The following CCDC66 variants were observed in gnomAD, a reference collection of about 807,000 sequenced individuals.
CCDC66 encodes the protein coiled-coil domain containing 66.
Under a neutral mutation model 128.3 loss-of-function variants are expected in CCDC66, and 133 were observed. The ratio of observed to expected loss-of-function variants is 1.04; its 90% CI spans 0.90 to 1.20. The LOEUF (loss-of-function observed/expected upper bound fraction) is 1.20. Ranked by LOEUF, CCDC66 falls within the 50% of genes most tolerant of loss-of-function variation. The probability of loss-of-function intolerance (pLI) is 0.00; values close to 1 mark genes in which losing one functional copy is unlikely to be tolerated. For missense variants in CCDC66, 1,126 were observed against 1,075.5 expected, an observed-to-expected ratio of 1.05 and a Z score of -0.66; for synonymous variants, 387 against 357.0, an observed-to-expected ratio of 1.08 and a Z score of -0.95.
chr3:56,588,267 A>T (rs371333771), intron 7 of CCDC66, among the ~76,000 whole-genome samples: 1 of 152,202 alleles, frequency 6.6e-6, no homozygotes, highest in Non-Finnish European at 1.5e-5. Flanking sequence ...ATGCAAAGGC[A>T]TAAGAATGAT....
chr3:56,563,036 T>C (rs149497312), intron 3 of CCDC66, among the ~76,000 whole-genome samples: 3 of 152,212 alleles, frequency 2.0e-5, no homozygotes, highest in South Asian at 2.1e-4. Flanking sequence ...TGAGCTGATA[T>C]TAAACAAATC....
chr3:56,593,364 C>A, intron 8 of CCDC66, 127 bp from the exon 9 acceptor site: 1 of 1,047,578 alleles, frequency 9.5e-7, no homozygotes, highest in Non-Finnish European at 1.4e-6. Context: ...ACAGTACAGT[C>A]TTGTTAATTT....
intron 6 of CCDC66, chr3:56,569,775 T>C (rs2066383165): frequency 6.6e-6 from 1 of 152,242 alleles, no homozygotes; most frequent in African/African-American, 2.4e-5. Context: ...ATACCAAATG[T>C]CTGAAATAAT....
intron 14 of CCDC66, 68 bp downstream of exon 14, chr3:56,617,673 T>C: frequency 1.3e-6 from 2 of 1,521,140 alleles, no homozygotes; most frequent in Non-Finnish European, 8.8e-7. Context: ...CTCATACGTA[T>C]GCTTTGGTAA....
chr3:56,595,220 T>C (rs1487012863), intron 10 of CCDC66, among the ~76,000 whole-genome samples: 3 of 152,246 alleles, frequency 2.0e-5, no homozygotes, highest in African/African-American at 7.2e-5. Context: ...ATCTATCACC[T>C]TGAGTATTTA....
chr3:56,615,037 TAGG>T (rs754724183), intron 11 of CCDC66, 88 bp from the exon 12 acceptor site: 64 of 1,348,022 alleles, frequency 4.7e-5, no homozygotes, highest in Non-Finnish European at 6.4e-5. Context: ...GCCTGATACA[TAGG>T]AGAAGCTTAG....
intron 17 of CCDC66, chr3:56,620,487 A>G (rs1559794724): frequency 6.6e-6 from 1 of 152,294 alleles, no homozygotes; most frequent in Admixed American, 6.5e-5. Context: ...TTGATTCACT[A>G]TATACTCTCT....
At chr3:56,559,647 A>G in intron 3 of CCDC66, 53 bp downstream of exon 3, 1 of 1,361,122 alleles carries the variant, frequency 7.3e-7, no homozygotes, top group Non-Finnish European at 1.0e-6. Flanking sequence ...ATGCAGTTTT[A>G]TTTATAGTGG....
Position 56,593,101 on chromosome 3 carries a change from G to A in CCDC66, c.1068G>A (p.Lys356=). ...RKIEEKIIYS[K]GEEHDRWAMH... ...TAGAGGAAAAAATTATATATTCAAA[G>A]GTAACTTATGAGGTTTTGTGGCTAT... Residue 356 remains lysine, a splice_region_variant and synonymous_variant, in exon 8 of 18, where the codon AAG becomes AAA. Transcript: ENST00000394672. 6.3e-7 allele frequency: 1 copy of A among 1,580,438 alleles called. No homozygotes were observed. Among genetic ancestry groups the A allele is most frequent in the Non-Finnish European group, 8.6e-7 (1 of 1,159,792 alleles).
At chr3:56,593,831 G>A (rs1403207230) in intron 9 of CCDC66, 90 bp downstream of exon 9, 1 of 1,582,500 alleles carries the variant, frequency 6.3e-7, no homozygotes, top group African/African-American at 1.4e-5. Context: ...TTCAGGTTTG[G>A]TATTTGTCTT....
chr3:56,573,517 A>G (rs1360262836), intron 7 of CCDC66, among the ~76,000 whole-genome samples: 1 of 152,230 alleles, frequency 6.6e-6, no homozygotes, highest in Non-Finnish European at 1.5e-5. Flanking sequence ...GAAAGGAGAA[A>G]CATCCATGCA....
At position 56,592,974 on chromosome 3, in the gene CCDC66, C is replaced by T. The variant is rs767859989; in HGVS notation, c.941C>T (p.Thr314Ile). The change falls in exon 8 of 18, where the codon ACA becomes ATA. Residue 314 changes from threonine to isoleucine, a missense_variant. Coordinates refer to ENST00000394672, the MANE Select transcript of CCDC66 (RefSeq NM_001141947.3). ...KHQILDQSRE[T>I]VLLEHPFSAV... Reference sequence around the variant, plus strand: ...GCTTTTATGGCTGTTGTTTAGGAAACAGTACTGCTGGAGCACCCTTTCAGT... The same window carrying T: ...GCTTTTATGGCTGTTGTTTAGGAAATAGTACTGCTGGAGCACCCTTTCAGT... 4.4e-6 allele frequency: 7 copies of T among 1,606,382 alleles called. No homozygotes were observed. Among genetic ancestry groups the T allele is most frequent in the South Asian group, 1.1e-5 (1 of 88,922 alleles).
chr3:56,570,027 G>A (rs1334655025), intron 6 of CCDC66: 1 of 152,260 alleles, frequency 6.6e-6, no homozygotes, highest in South Asian at 2.1e-4. Context: ...GTAGAGACAG[G>A]GTTTCACCAT....
At chr3:56,576,640 A>G (rs1358427476) in intron 7 of CCDC66, among the ~76,000 whole-genome samples, 1 of 146,574 alleles carries the variant, frequency 6.8e-6, no homozygotes. Flanking sequence ...CCCACCTATA[A>G]GTGAGAACAT....
intron 10 of CCDC66, among the ~76,000 whole-genome samples, chr3:56,595,609 A>AT (rs1258969576): frequency 6.6e-6 from 1 of 152,176 alleles, no homozygotes; most frequent in African/African-American, 2.4e-5. Flanking sequence ...ATAGTATCCC[A>AT]TTGTGTATAT....
intron 13 of CCDC66, 57 bp from the exon 14 acceptor site, chr3:56,617,055 T>C: frequency 7.6e-7 from 1 of 1,309,334 alleles, no homozygotes; most frequent in Non-Finnish European, 1.0e-6. Context: ...GGGAAAATTA[T>C]TTAATATTGA....
At chr3:56,607,343 A>T (rs2074217685) in intron 10 of CCDC66, among the ~76,000 whole-genome samples, 1 of 152,054 alleles carries the variant, frequency 6.6e-6, no homozygotes, top group East Asian at 1.9e-4. Flanking sequence ...AGTTTTCCTT[A>T]TAGAGGTCTT....
chr3:56,558,926 G>C lies in CCDC66; in HGVS notation c.76+16G>C. 2.0e-6 allele frequency: 3 copies of C among 1,501,818 alleles called. No individual in the cohort carries two copies. The highest frequency in any genetic ancestry group is 2.2e-5 in the Admixed American group (1 of 46,086). The allele number at this position is 1,501,818 out of a possible 1,614,324, so 93.0% of individuals were successfully genotyped here. ...TCTCCATATGGTATGTTGTGTTACA[G>C]AAATCTGAAATGTTAACTTTTAAAT... On this transcript the variant is annotated intron_variant, in intron 2 of 17. Coordinates refer to ENST00000394672, the MANE Select transcript of CCDC66 (RefSeq NM_001141947.3).
At chr3:56,566,535 CA>C in intron 4 of CCDC66, 58 bp from the exon 5 acceptor site, 1 of 1,129,394 alleles carries the variant, frequency 8.9e-7, no homozygotes, top group Non-Finnish European at 1.3e-6. Context: ...AGCACTATGC[CA>C]AGTATTATAA....
Sources: gnomAD v4.1 joint callset for allele counts (sites outside exome capture counted in the v4.1 genomes callset) on GRCh38, gnomAD v4.1.1 for gene constraint, MANE v1.5 for transcripts, NCBI Gene and HGNC (gene_info 2026-07-23, HGNC 2026-07-21) for gene names.